The following GALNT13 variants were observed in gnomAD, a reference collection of about 807,000 sequenced individuals.
GALNT13 encodes the protein polypeptide N-acetylgalactosaminyltransferase 13.
GALNT13 carries 28 observed loss-of-function variants against 64.2 expected under a neutral mutation model. The observed-to-expected ratio is 0.44, with a 90% confidence interval of 0.32 to 0.60. The LOEUF (loss-of-function observed/expected upper bound fraction) is 0.60. Among genes scored for constraint, GALNT13 ranks in the 20% least tolerant of loss-of-function variants. The probability of loss-of-function intolerance (pLI) is 0.05; values close to 1 mark genes in which losing one functional copy is unlikely to be tolerated. For synonymous variants in GALNT13, 214 were observed against 224.6 expected, an observed-to-expected ratio of 0.95 and a Z score of 0.42; for missense variants, 577 against 669.8, an observed-to-expected ratio of 0.86 and a Z score of 1.53.
At position 154,029,407 on chromosome 2, in the gene GALNT13, C is replaced by A. The variant is rs77280511; in HGVS notation, c.142+84768C>A. 2.0e-5 allele frequency among the ~76,000 whole-genome samples: 3 copies of A among 151,964 alleles called. No individual in the cohort carries two copies. The East Asian group carries it at 5.8e-4, about 29-fold the overall frequency. ...GGAAGACCTAAAGTTGAGAGTGGAGCAGATACTGAGAAAAGAAATGGCTAT... is the reference window on the plus strand; with the variant it reads ...GGAAGACCTAAAGTTGAGAGTGGAGAAGATACTGAGAAAAGAAATGGCTAT... On this transcript the variant is annotated intron_variant, in intron 3 of 12. Transcript: ENST00000392825.
chr2:153,295,843 G>T, the GALNT13 span, among the ~76,000 whole-genome samples: 1 of 152,186 alleles, frequency 6.6e-6, no homozygotes, highest in Non-Finnish European at 1.5e-5. Flanking sequence ...AGAAATAGTG[G>T]TATAAACCTC....
the GALNT13 span, among the ~76,000 whole-genome samples, chr2:153,237,145 G>A: frequency 3.9e-5 from 6 of 152,008 alleles, no homozygotes; most frequent in South Asian, 2.1e-4. Context: ...GGTTAAACTC[G>A]AACTGATGAG....
the GALNT13 span, among the ~76,000 whole-genome samples, chr2:153,257,054 G>C: frequency 6.6e-6 from 1 of 152,202 alleles, no homozygotes; most frequent in Non-Finnish European, 1.5e-5. Context: ...CGCCAGCCTC[G>C]CTGCCGCCTT....
At chr2:154,150,013 A>G (rs1683885052) in intron 4 of GALNT13, among the ~76,000 whole-genome samples, 1 of 152,204 alleles carries the variant, frequency 6.6e-6, no homozygotes, top group South Asian at 2.1e-4. Flanking sequence ...GCCCGTTTTC[A>G]AAGGGAATGC....
chr2:154,158,426 T>G (rs182714447), intron 4 of GALNT13, among the ~76,000 whole-genome samples: 1 of 152,318 alleles, frequency 6.6e-6, no homozygotes, highest in African/African-American at 2.4e-5. Context: ...CTAAGCTGCT[T>G]ATATTTTTAC....
the GALNT13 span, among the ~76,000 whole-genome samples, chr2:153,809,920 C>T: frequency 6.6e-6 from 1 of 152,162 alleles, no homozygotes; most frequent in East Asian, 1.9e-4. Flanking sequence ...ACATTTGTTG[C>T]CATTAACATA....
At chr2:154,043,501 T>A (rs372238818) in intron 3 of GALNT13, among the ~76,000 whole-genome samples, 1 of 144,498 alleles carries the variant, frequency 6.9e-6, no homozygotes, top group South Asian at 2.2e-4. Context: ...AGAAATAAGG[T>A]CTCTATTTAA....
the GALNT13 span, chr2:153,171,907 A>T: frequency 6.6e-6 from 1 of 152,370 alleles, no homozygotes; most frequent in Non-Finnish European, 1.5e-5. Context: ...CATGTAGATT[A>T]CTTTCTTCCA....
At chr2:153,883,829 T>C (rs1161867882) in intron 1 of GALNT13, among the ~76,000 whole-genome samples, 1 of 152,130 alleles carries the variant, frequency 6.6e-6, no homozygotes, top group African/African-American at 2.4e-5. Context: ...TTTAGTTGGC[T>C]CCAAAATGAA....
chr2:153,984,073 C>CT (rs11356122), intron 3 of GALNT13, among the ~76,000 whole-genome samples: 21 of 150,940 alleles, frequency 1.4e-4, no homozygotes, highest in Admixed American at 4.0e-4. Flanking sequence ...CCATTCAGTG[C>CT]TTTTTTTTTT....
the GALNT13 span, among the ~76,000 whole-genome samples, chr2:153,425,382 A>G: frequency 6.6e-6 from 1 of 151,750 alleles, no homozygotes; most frequent in Non-Finnish European, 1.5e-5. Context: ...TTCAGGTTCT[A>G]TAGGATCACT....
the GALNT13 span, among the ~76,000 whole-genome samples, chr2:153,440,510 C>T: frequency 1.3e-5 from 2 of 152,134 alleles, no homozygotes; most frequent in Non-Finnish European, 2.9e-5. Flanking sequence ...GTTCTAGATC[C>T]TTGAGGAATC....
chr2:154,068,864 T>C (rs1700600127), intron 3 of GALNT13, among the ~76,000 whole-genome samples: 1 of 152,050 alleles, frequency 6.6e-6, no homozygotes, highest in African/African-American at 2.4e-5. Context: ...TTTAAATAAC[T>C]TTTAGTTATT....
At chr2:153,220,881 T>C in the GALNT13 span, among the ~76,000 whole-genome samples, 1 of 152,194 alleles carries the variant, frequency 6.6e-6, no homozygotes, top group Admixed American at 6.5e-5. Flanking sequence ...GGGAGTGGTC[T>C]AAATATACCA....
the GALNT13 span, among the ~76,000 whole-genome samples, chr2:153,335,464 G>A: frequency 6.6e-6 from 1 of 152,186 alleles, no homozygotes; most frequent in African/African-American, 2.4e-5. Flanking sequence ...GAACTTGTTG[G>A]GAACTGGAGC....
chr2:153,395,464 G>A, the GALNT13 span, among the ~76,000 whole-genome samples: 1 of 152,058 alleles, frequency 6.6e-6, no homozygotes, highest in Non-Finnish European at 1.5e-5. Flanking sequence ...GGGATATCCA[G>A]GGGTATTCCA....
chr2:153,373,037 G>A, the GALNT13 span, among the ~76,000 whole-genome samples: 1 of 152,126 alleles, frequency 6.6e-6, no homozygotes, highest in Non-Finnish European at 1.5e-5. Flanking sequence ...GCCATTTAAT[G>A]TCTGAGGTTG....
intron 2 of GALNT13, among the ~76,000 whole-genome samples, chr2:153,909,864 C>T (rs1453297069): frequency 6.6e-6 from 1 of 152,050 alleles, no homozygotes; most frequent in Non-Finnish European, 1.5e-5. Context: ...AATCTATCCT[C>T]ATCAAGAATT....
chr2:153,093,185 C>T, the GALNT13 span, among the ~76,000 whole-genome samples: 280 of 151,432 alleles, frequency 1.8e-3, 1 homozygote, highest in Non-Finnish European at 3.2e-3. Context: ...CCTTGTATTC[C>T]AGGGATAAAT....
Sources: gnomAD v4.1 joint callset for allele counts (sites outside exome capture counted in the v4.1 genomes callset) on GRCh38, gnomAD v4.1.1 for gene constraint, MANE v1.5 for transcripts, NCBI Gene and HGNC (gene_info 2026-07-23, HGNC 2026-07-21) for gene names.